Variants in ACSBG1 observed in about 807,000 individuals in gnomAD.
The protein encoded by ACSBG1 is long-chain-fatty-acid--CoA ligase ACSBG1.
In ACSBG1, 39 loss-of-function variants were observed where a neutral mutation model predicts 80.2. The ratio of observed to expected loss-of-function variants is 0.49; its 90% CI spans 0.38 to 0.64. ACSBG1 has a LOEUF of 0.64. Ranked by LOEUF, ACSBG1 falls within the 30% of genes least tolerant of loss-of-function variation. The pLI is 0.00. For missense variants in ACSBG1, 828 were observed against 966.4 expected (o/e 0.86, Z 1.90); for synonymous variants, 392 against 379.5 (o/e 1.03, Z -0.38).
At chr15:78,180,703 T>C in intron 9 of ACSBG1, 52 bp downstream of exon 9, 2 of 1,583,676 alleles carry the variant, frequency 1.3e-6, no homozygotes, top group Non-Finnish European at 1.7e-6. Context: ...TGTTTTGGGT[T>C]ATGACCCAGC....
intron 9 of ACSBG1, 125 bp downstream of exon 9, chr15:78,180,630 G>A (rs2074932339): frequency 3.3e-5 from 42 of 1,253,866 alleles, no homozygotes; most frequent in Middle Eastern, 2.2e-4. Flanking sequence ...GCCTCTGCAC[G>A]GGGTCTCCAG....
At chr15:78,182,908 G>A (rs530308928) in intron 5 of ACSBG1, 123 bp from the exon 6 acceptor site, 4 of 989,982 alleles carry the variant, frequency 4.0e-6, no homozygotes, top group East Asian at 2.6e-5. Context: ...TCTGACCTTC[G>A]ACCCCAGCAG....
At chr15:78,219,378 G>C (rs1235136158) in intron 1 of ACSBG1, among the ~76,000 whole-genome samples, 1 of 143,424 alleles carries the variant, frequency 7.0e-6, no homozygotes, top group East Asian at 2.0e-4. Context: ...CTGCATTCCA[G>C]CCTGGGTGAC....
chr15:78,212,773 C>T (rs2075278403), intron 1 of ACSBG1: 3 of 332,738 alleles, frequency 9.0e-6, no homozygotes, highest in South Asian at 4.6e-5. Flanking sequence ...CCTGGCTGGG[C>T]GAGGGGACAG....
At position 78,168,234 on chromosome 15, in the gene ACSBG1, CCACATAGTGAGA is replaced by C. The variant is rs888194245; in HGVS notation, c.*3198_*3209del. 6.7e-6 allele frequency: 1 copy of C among 150,242 alleles called. No homozygotes were observed. The highest frequency in any genetic ancestry group is 2.5e-5 in the African/African-American group (1 of 40,724). 9.3% of individuals were successfully genotyped at this position (150,242 alleles called of 1,614,324 possible). On this transcript the variant is annotated 3_prime_UTR_variant, in exon 14 of 14. Coordinates refer to ENST00000258873, the MANE Select transcript of ACSBG1 (RefSeq NM_015162.5). Reference sequence around the variant, plus strand: ...CCTCTGAGTTCAAGACCAGCCTGGGCCACATAGTGAGACCCCGTCTCTTAAAAAAAAAAAAAA... The same window carrying C: ...CCTCTGAGTTCAAGACCAGCCTGGGCCCCCGTCTCTTAAAAAAAAAAAAAA...
chr15:78,207,190 C>T (rs1234214655), intron 2 of ACSBG1, among the ~76,000 whole-genome samples: 1 of 152,126 alleles, frequency 6.6e-6, no homozygotes, highest in Admixed American at 6.5e-5. Flanking sequence ...TTCTCAGAAA[C>T]CAGTTGGTCC....
At chr15:78,204,315 A>G (rs1447630599) in intron 2 of ACSBG1, among the ~76,000 whole-genome samples, 1 of 152,200 alleles carries the variant, frequency 6.6e-6, no homozygotes, top group African/African-American at 2.4e-5. Flanking sequence ...GGGACCTGAG[A>G]TGGGCTTTAC....
At chr15:78,197,926 C>T (rs1285433506) in intron 2 of ACSBG1, among the ~76,000 whole-genome samples, 1 of 152,124 alleles carries the variant, frequency 6.6e-6, no homozygotes, top group Non-Finnish European at 1.5e-5. Flanking sequence ...CATCTAGAAG[C>T]TCACGCTCCT....
intron 1 of ACSBG1, among the ~76,000 whole-genome samples, chr15:78,217,292 G>C (rs1040263): frequency 1 from 152,365 of 152,376 alleles, 76,177 homozygotes; most frequent in Middle Eastern, 1. Context: ...GGTACTATTA[G>C]CACCCTCACT....
chr15:78,228,894 T>C (rs2141393748), intron 1 of ACSBG1, among the ~76,000 whole-genome samples: 1 of 152,334 alleles, frequency 6.6e-6, no homozygotes, highest in African/African-American at 2.4e-5. Flanking sequence ...GTTTAAATGT[T>C]GCTTTACCAG....
At chr15:78,205,112 C>T (rs1327767604) in intron 2 of ACSBG1, among the ~76,000 whole-genome samples, 1 of 152,110 alleles carries the variant, frequency 6.6e-6, no homozygotes, top group Non-Finnish European at 1.5e-5. Flanking sequence ...CGATGCTGCC[C>T]TTCTCCTGCT....
intron 11 of ACSBG1, among the ~76,000 whole-genome samples, chr15:78,176,088 A>T (rs769512603): frequency 2.0e-5 from 3 of 152,194 alleles, no homozygotes; most frequent in Non-Finnish European, 4.4e-5. Flanking sequence ...TTTTTAAATA[A>T]ATAGAGACAG....
At chr15:78,232,862 T>C (rs377000997) in intron 1 of ACSBG1, among the ~76,000 whole-genome samples, 2 of 152,222 alleles carry the variant, frequency 1.3e-5, no homozygotes, top group East Asian at 1.9e-4. Context: ...GTATTTTTAG[T>C]AGAGACAGAG....
chr15:78,197,716 C>CT (rs1158014597), intron 2 of ACSBG1, among the ~76,000 whole-genome samples: 37 of 70,768 alleles, frequency 5.2e-4, no homozygotes, highest in African/African-American at 1.7e-3. Flanking sequence ...AAGACTCTGT[C>CT]TTTAAAAAAA....
At chr15:78,228,572 C>A (rs1018690436) in intron 1 of ACSBG1, among the ~76,000 whole-genome samples, 1 of 152,176 alleles carries the variant, frequency 6.6e-6, no homozygotes, top group Non-Finnish European at 1.5e-5. Context: ...AGAGGACTAC[C>A]GCTGGCTTGG....
chr15:78,217,190 A>G (rs1047437534), intron 1 of ACSBG1, among the ~76,000 whole-genome samples: 3 of 152,350 alleles, frequency 2.0e-5, no homozygotes, highest in African/African-American at 7.2e-5. Context: ...GAATAATCAC[A>G]GTACTAGCTT....
chr15:78,178,499 G>T lies in ACSBG1; in HGVS notation c.1702+115C>A, dbSNP rs539207930. ...GTGTTTTTAGTAGAGATGGGGTTTC[G>T]CTGTGCTGCCCAGGGTGGTCTTGAA... On this transcript the variant is annotated intron_variant, in intron 11 of 13. Transcript: ENST00000258873. This position sits in a 1 kb window ranked among gnomAD's most constrained non-coding sequence, Gnocchi z 4.3. 4 of 1,154,218 alleles carry T rather than the reference G, an allele frequency of 3.5e-6. No individual in the cohort carries two copies. Among genetic ancestry groups the T allele is most frequent in the Middle Eastern group, 3.0e-4 (1 of 3,386 alleles). The allele number at this position is 1,154,218 out of a possible 1,614,324, so 71.5% of individuals were successfully genotyped here. A position where few individuals can be genotyped will look rare whatever the true frequency, so the allele number is the denominator to read the frequency against.
chr15:78,225,806 A>G (rs1036072855), intron 1 of ACSBG1, among the ~76,000 whole-genome samples: 1 of 152,208 alleles, frequency 6.6e-6, no homozygotes. Flanking sequence ...CACAATTTCT[A>G]TGGGTTAGGA....
At chr15:78,227,138 G>A (rs1367306001) in intron 1 of ACSBG1, among the ~76,000 whole-genome samples, 2 of 140,976 alleles carry the variant, frequency 1.4e-5, no homozygotes, top group East Asian at 2.2e-4. Context: ...AGAATTGCTT[G>A]AACCTGGGAG....
Sources: gnomAD v4.1 joint callset for allele counts (sites outside exome capture counted in the v4.1 genomes callset) on GRCh38, gnomAD v4.1.1 for gene constraint, Gnocchi (gnomAD v3.1) non-coding constraint, MANE v1.5 for transcripts, NCBI Gene and HGNC (gene_info 2026-07-23, HGNC 2026-07-21) for gene names.